The following LHPP variants were observed in gnomAD, a reference collection of about 807,000 sequenced individuals.
LHPP encodes the protein hLHPP.
Under a neutral mutation model 30.3 loss-of-function variants are expected in LHPP, and 24 were observed. The observed-to-expected ratio is 0.79, with a 90% CI of 0.57 to 1.11. The LOEUF (loss-of-function observed/expected upper bound fraction) is 1.11, where lower values mean the gene tolerates loss of function less well. LHPP is among the 50% of genes most tolerant of loss of function. The pLI, the probability that LHPP is intolerant of heterozygous loss-of-function variation, is 0.00. For synonymous variants in LHPP, 150 were observed against 157.1 expected, an observed-to-expected ratio of 0.95 and a Z score of 0.34; for missense variants, 356 against 367.2, an observed-to-expected ratio of 0.97 and a Z score of 0.25.
rs184450384 is a variant in LHPP at position 124,472,230 on chromosome 10, T to C, written c.125+10243T>C. On this transcript the variant is annotated intron_variant, in intron 1 of 6. Transcript: ENST00000368842. ...TGGGAGGCTGAGGCGTGAGAATTGCTTGAACCCGAGAGGCAGAGGCTGGGG... is the reference window on the plus strand; with the variant it reads ...TGGGAGGCTGAGGCGTGAGAATTGCCTGAACCCGAGAGGCAGAGGCTGGGG... 9.0e-3 allele frequency among the ~76,000 whole-genome samples: 1,368 copies of C among 152,268 alleles called. 12 individuals are homozygous for C. Among genetic ancestry groups the C allele is most frequent in the South Asian group, 0.048 (232 of 4,824 alleles).
At chr10:124,472,640 C>T (rs1952819527) in intron 1 of LHPP, among the ~76,000 whole-genome samples, 2 of 151,520 alleles carry the variant, frequency 1.3e-5, no homozygotes, top group Admixed American at 1.3e-4. Flanking sequence ...CTCACTGCAA[C>T]CTTGGCCTCC....
intron 6 of LHPP, among the ~76,000 whole-genome samples, chr10:124,587,191 C>T (rs555065407): frequency 6.6e-6 from 1 of 151,972 alleles, no homozygotes; most frequent in African/African-American, 2.4e-5. Context: ...GCCACCACAC[C>T]CGGCTAATTA....
At chr10:124,558,806 C>T (rs1948345283) in intron 6 of LHPP, among the ~76,000 whole-genome samples, 1 of 152,258 alleles carries the variant, frequency 6.6e-6, no homozygotes, top group African/African-American at 2.4e-5. Flanking sequence ...AAACTAGGAG[C>T]CATCCGAGCA....
chr10:124,485,891 G>GCA (rs1564780701), intron 2 of LHPP, among the ~76,000 whole-genome samples: 29 of 152,258 alleles, frequency 1.9e-4, no homozygotes, highest in Admixed American at 1.8e-3. Flanking sequence ...GTGAGCCACC[G>GCA]CCTCCGGTCT....
chr10:124,553,008 G>T (rs17622092), intron 6 of LHPP, among the ~76,000 whole-genome samples: 1 of 152,144 alleles, frequency 6.6e-6, no homozygotes, highest in Non-Finnish European at 1.5e-5. Context: ...CTGGCCTTCC[G>T]AGCTGATAAT....
At chr10:124,603,712 C>T (rs1949057241) in intron 6 of LHPP, among the ~76,000 whole-genome samples, 2 of 152,234 alleles carry the variant, frequency 1.3e-5, no homozygotes, top group South Asian at 4.1e-4. Context: ...ACCCTCCGGT[C>T]CCTCCAGGCC....
At chr10:124,574,663 G>A (rs1238830079) in intron 6 of LHPP, among the ~76,000 whole-genome samples, 1 of 152,216 alleles carries the variant, frequency 6.6e-6, no homozygotes, top group East Asian at 1.9e-4. Context: ...GCTGGAGGAG[G>A]CAGCATCTGA....
intron 3 of LHPP, among the ~76,000 whole-genome samples, chr10:124,494,455 G>A (rs1953640407): frequency 6.6e-6 from 1 of 152,162 alleles, no homozygotes; most frequent in African/African-American, 2.4e-5. Context: ...CCTGTGTGGG[G>A]TATATTCTTT....
chr10:124,515,545 G>C (rs1030701319), intron 5 of LHPP, among the ~76,000 whole-genome samples: 1 of 152,156 alleles, frequency 6.6e-6, no homozygotes, highest in African/African-American at 2.4e-5. Context: ...GGTGCCAGAC[G>C]TGATCAATTT....
intron 6 of LHPP, among the ~76,000 whole-genome samples, chr10:124,528,016 G>A (rs1315759104): frequency 6.6e-6 from 1 of 152,234 alleles, no homozygotes; most frequent in Non-Finnish European, 1.5e-5. Context: ...TGATCTCCCC[G>A]CCTTGGCCTC....
At chr10:124,604,946 G>C (rs1044190705) in intron 6 of LHPP, among the ~76,000 whole-genome samples, 2 of 152,242 alleles carry the variant, frequency 1.3e-5, no homozygotes, top group African/African-American at 4.8e-5. Flanking sequence ...TGGGAGTCCC[G>C]GGCAGCTCAG....
At chr10:124,488,316 C>A in intron 2 of LHPP, 106 bp from the exon 3 acceptor site, 2 of 989,548 alleles carry the variant, frequency 2.0e-6, no homozygotes, top group Admixed American at 2.2e-5. Flanking sequence ...AGAAATGCAT[C>A]TGAGAAAGGG....
rs2133900650 is a variant in LHPP, at chr10:124,510,374, T to C, written c.625-6806T>C. 6.6e-6 allele frequency among the ~76,000 whole-genome samples: 1 copy of C among 152,322 alleles called. No individual in the cohort carries two copies. The highest frequency in any genetic ancestry group is 2.1e-4 in the South Asian group (1 of 4,818). Reference sequence around the variant, plus strand: ...AGCTGGCCTGGACAGGCATCACTGCTCCAGGCAGCTGTGCACCCAGCCGGC... The same window carrying C: ...AGCTGGCCTGGACAGGCATCACTGCCCCAGGCAGCTGTGCACCCAGCCGGC... On this transcript the variant is annotated intron_variant, in intron 5 of 6. Transcript: ENST00000368842. This position sits in a 1 kb window ranked among gnomAD's most constrained non-coding sequence, Gnocchi z 4.0.
intron 3 of LHPP, among the ~76,000 whole-genome samples, chr10:124,495,763 A>G (rs1953686352): frequency 6.6e-6 from 1 of 152,184 alleles, no homozygotes; most frequent in Non-Finnish European, 1.5e-5. Flanking sequence ...GTTATTTATA[A>G]TAATATTCTC....
intron 1 of LHPP, among the ~76,000 whole-genome samples, chr10:124,467,881 T>C (rs939027225): frequency 2.0e-5 from 3 of 152,234 alleles, no homozygotes; most frequent in Middle Eastern, 3.4e-3. Context: ...GTTAATCATT[T>C]GTATTTTTAG....
At chr10:124,508,290 G>C (rs1398576511) in intron 5 of LHPP, among the ~76,000 whole-genome samples, 2 of 152,172 alleles carry the variant, frequency 1.3e-5, no homozygotes, top group Non-Finnish European at 2.9e-5. Flanking sequence ...TGTCAGTGTG[G>C]GGATGACCCT....
intron 6 of LHPP, among the ~76,000 whole-genome samples, chr10:124,570,393 G>A (rs1948564887): frequency 6.6e-6 from 1 of 152,246 alleles, no homozygotes; most frequent in Non-Finnish European, 1.5e-5. Flanking sequence ...GAATGAAGGG[G>A]ACAGTCGGTG....
intron 6 of LHPP, among the ~76,000 whole-genome samples, chr10:124,591,178 C>G (rs1475439632): frequency 1.3e-5 from 2 of 152,194 alleles, no homozygotes; most frequent in African/African-American, 4.8e-5. Context: ...GGGGAAGACT[C>G]TCTGTACCTG....
intron 6 of LHPP, among the ~76,000 whole-genome samples, chr10:124,565,182 C>G (rs1948468233): frequency 6.6e-6 from 1 of 152,194 alleles, no homozygotes; most frequent in African/African-American, 2.4e-5. Flanking sequence ...CCACAGCAAC[C>G]TGAGCTTCTG....
Sources: allele counts gnomAD v4.1 joint callset (sites outside exome capture counted in the v4.1 genomes callset), GRCh38; gene constraint gnomAD v4.1.1; non-coding constraint Gnocchi (gnomAD v3.1); transcripts MANE v1.5; gene names NCBI Gene and HGNC (gene_info 2026-07-23, HGNC 2026-07-21).